The following MUSK variants were observed in gnomAD, a reference collection of about 807,000 sequenced individuals.
MUSK encodes the protein muscle associated receptor tyrosine kinase.
MUSK carries 55 observed loss-of-function variants against 88.7 expected under a neutral mutation model. The observed-to-expected ratio is 0.62, with a 90% CI of 0.50 to 0.78. The LOEUF is 0.78. MUSK is among the 30% of genes least tolerant of loss of function. MUSK has a pLI of 0.00. For synonymous variants in MUSK, 387 were observed against 391.9 expected (o/e 0.99, Z 0.15); for missense variants, 1,015 against 1,074.3 (o/e 0.94, Z 0.77).
In MUSK at chr9:110,803,475, C is replaced by T. The variant is rs570257365; in HGVS notation, c.*2487C>T. Among the ~76,000 whole-genome samples the T allele has an allele frequency of 2.0e-5, 3 of 152,126 alleles. No individual in the cohort carries two copies. Among genetic ancestry groups the T allele is most frequent in the South Asian group, 4.2e-4 (2 of 4,812 alleles). The stretch of plus-strand genomic sequence containing the variant: ...AGCCTACTTTTTGACCAAAAGAGGC[C>T]GAATTCTCAACCACTATACTGTAGA... On this transcript the variant is annotated 3_prime_UTR_variant, in exon 15 of 15. Coordinates refer to ENST00000374448, the MANE Select transcript of MUSK (RefSeq NM_005592.4).
chr9:110,798,942 G>T (rs957842509), intron 14 of MUSK, among the ~76,000 whole-genome samples: 1 of 151,986 alleles, frequency 6.6e-6, no homozygotes, highest in African/African-American at 2.4e-5. Flanking sequence ...TTATTTCTCA[G>T]AGAAATATTT....
intron 5 of MUSK, among the ~76,000 whole-genome samples, chr9:110,701,078 T>C (rs1367455887): frequency 1.3e-5 from 2 of 152,194 alleles, no homozygotes. Context: ...ATTAGGGTTA[T>C]CTTTTGAAAA....
intron 3 of MUSK, among the ~76,000 whole-genome samples, chr9:110,691,226 T>C (rs1395487414): frequency 6.6e-6 from 1 of 152,120 alleles, no homozygotes; most frequent in Non-Finnish European, 1.5e-5. Flanking sequence ...GGAAGTAGTC[T>C]GCATTTAAAA....
At chr9:110,747,581 C>A (rs367934055) in intron 6 of MUSK, 60 bp from the exon 7 acceptor site, 3 of 1,481,426 alleles carry the variant, frequency 2.0e-6, no homozygotes. Flanking sequence ...TTCAAATCTA[C>A]TGACATAGTA....
At chr9:110,709,804 G>T (rs768165719) in intron 5 of MUSK, among the ~76,000 whole-genome samples, 10 of 152,076 alleles carry the variant, frequency 6.6e-5, no homozygotes, top group Admixed American at 3.3e-4. Flanking sequence ...CTTTAAATCT[G>T]CAAGGAGACC....
chr9:110,699,843 C>A (rs2076479368), intron 5 of MUSK, among the ~76,000 whole-genome samples: 1 of 152,062 alleles, frequency 6.6e-6, no homozygotes, highest in African/African-American at 2.4e-5. Context: ...TGATGCTGGG[C>A]TACATGTAAC....
intron 1 of MUSK, among the ~76,000 whole-genome samples, chr9:110,680,953 T>C (rs1587886280): frequency 9.6e-6 from 1 of 104,604 alleles, no homozygotes; most frequent in East Asian, 2.3e-4. Flanking sequence ...ATGATCCTTA[T>C]GATATATATA....
intron 9 of MUSK, among the ~76,000 whole-genome samples, chr9:110,775,088 A>G (rs2077646289): frequency 6.6e-6 from 1 of 152,122 alleles, no homozygotes; most frequent in African/African-American, 2.4e-5. Context: ...AATCTGCAAA[A>G]TTCCAAGTAG....
rs2132077716 is a variant in MUSK at position 110,804,173 on chromosome 9, G to A, written c.*3185G>A. On this transcript the variant is annotated 3_prime_UTR_variant, in exon 15 of 15. Transcript: ENST00000374448. ...TACTGTAATTTAGCTAATCAATCTT[G>A]TATTTTTGAACATTTAGGTTTTTTC... 6.6e-6 allele frequency among the ~76,000 whole-genome samples: 1 copy of A among 152,082 alleles called. No homozygotes were observed. Among genetic ancestry groups the A allele is most frequent in the East Asian group, 1.9e-4 (1 of 5,184 alleles).
intron 5 of MUSK, among the ~76,000 whole-genome samples, chr9:110,721,176 A>G (rs907629606): frequency 6.6e-6 from 1 of 152,114 alleles, no homozygotes; most frequent in Non-Finnish European, 1.5e-5. Context: ...CTGAGAACTG[A>G]AACAAGACAA....
intron 9 of MUSK, among the ~76,000 whole-genome samples, chr9:110,768,420 G>A (rs1052544825): frequency 3.3e-5 from 5 of 152,198 alleles, no homozygotes; most frequent in East Asian, 3.9e-4. Flanking sequence ...CACTTGAACT[G>A]GGGAGGCAGA....
rs948932418 is a variant in MUSK, at chr9:110,715,940, G to C, written c.629-18311G>C. ...GAACGATGAGAACACATGGACACAT[G>C]GGGGGAACAATACACACTGGGGCCT... On this transcript the variant is annotated intron_variant, in intron 5 of 14. Coordinates refer to ENST00000374448, the MANE Select transcript of MUSK (RefSeq NM_005592.4). 4.0e-5 allele frequency among the ~76,000 whole-genome samples: 6 copies of C among 149,206 alleles called. 1 individual carries two copies. Among genetic ancestry groups the C allele is most frequent in the Admixed American group, 1.3e-4 (2 of 15,126 alleles).
In MUSK at chr9:110,695,464, A is replaced by G; in HGVS notation, c.420A>G (p.Leu140=). Residue 140 remains leucine, a synonymous_variant, in exon 4 of 15, where the codon CTA becomes CTG. Transcript: ENST00000374448. ...TAATAGAGGGATTAAAAGCAGTCCT[A>G]CCATGTACTACAATGGGTAATCCCA... ...VKIIEGLKAV[L]PCTTMGNPKP... 6.4e-7 allele frequency: 1 copy of G among 1,553,744 alleles called. No individual in the cohort carries two copies.
In MUSK at chr9:110,803,338, T is replaced by C. The variant is rs2078120969; in HGVS notation, c.*2350T>C. The stretch of plus-strand genomic sequence containing the variant: ...TTTGTTTTGTTTTTGAGACGGAGTC[T>C]CGCTCTGTCGCCCAGGCTGGAGTGC... On this transcript the variant is annotated 3_prime_UTR_variant, in exon 15 of 15. Transcript: ENST00000374448. Among the ~76,000 whole-genome samples the C allele has an allele frequency of 2.0e-5, 3 of 152,246 alleles. No homozygotes were observed. Among genetic ancestry groups the C allele is most frequent in the Admixed American group, 2.0e-4 (3 of 15,288 alleles).
intron 2 of MUSK, among the ~76,000 whole-genome samples, chr9:110,686,427 C>T (rs2131667419): frequency 6.6e-6 from 1 of 152,180 alleles, no homozygotes; most frequent in South Asian, 2.1e-4. Context: ...TTCTGCTTAC[C>T]ACACGCATTT....
intron 1 of MUSK, among the ~76,000 whole-genome samples, chr9:110,680,244 A>G (rs2076089776): frequency 6.6e-6 from 1 of 152,182 alleles, no homozygotes; most frequent in Non-Finnish European, 1.5e-5. Context: ...TTGTTGCTGA[A>G]TAATCTCAGG....
intron 8 of MUSK, among the ~76,000 whole-genome samples, chr9:110,765,232 A>G (rs1264165888): frequency 6.6e-6 from 1 of 152,226 alleles, no homozygotes; most frequent in African/African-American, 2.4e-5. Context: ...GCTCGGAGAC[A>G]CTGAGAAATA....
At chr9:110,685,807 C>T (rs1287788428) in intron 2 of MUSK, among the ~76,000 whole-genome samples, 1 of 152,156 alleles carries the variant, frequency 6.6e-6, no homozygotes, top group African/African-American at 2.4e-5. Context: ...ATCATTAACA[C>T]ACGTATTTCT....
At chr9:110,703,785 G>A (rs992422117) in intron 5 of MUSK, among the ~76,000 whole-genome samples, 4 of 152,014 alleles carry the variant, frequency 2.6e-5, no homozygotes, top group Non-Finnish European at 5.9e-5. Flanking sequence ...TACAGAAAGA[G>A]AAAATACAGA....
Sources: allele counts gnomAD v4.1 joint callset (sites outside exome capture counted in the v4.1 genomes callset), GRCh38; gene constraint gnomAD v4.1.1; transcripts MANE v1.5; gene names NCBI Gene and HGNC (gene_info 2026-07-23, HGNC 2026-07-21).